Variants in GPSM2 observed in about 807,000 individuals in gnomAD.
GPSM2 encodes G protein-signaling modulator 2.
A neutral mutation model predicts 78.4 loss-of-function variants in GPSM2; 58 were observed. The observed-to-expected ratio is 0.74, with a 90% confidence interval of 0.60 to 0.92. GPSM2 has a LOEUF of 0.92. Among genes scored for constraint, GPSM2 ranks in the 40% least tolerant of loss-of-function variants. The pLI is 0.00. For synonymous variants in GPSM2, 224 were observed against 280.2 expected, an observed-to-expected ratio of 0.80 and a Z score of 2.00; for missense variants, 700 against 815.5, an observed-to-expected ratio of 0.86 and a Z score of 1.73.
At chr1:108,919,938 G>A (rs76844349) in intron 12 of GPSM2, among the ~76,000 whole-genome samples, 13,106 of 151,202 alleles carry the variant, frequency 0.087, 593 homozygotes, top group African/African-American at 0.1. Context: ...GGCAAAGGTG[G>A]GTAGATCTCC....
At chr1:108,903,975 T>A (rs1334666890) in intron 9 of GPSM2, 150 bp from the exon 10 acceptor site, 5 of 611,626 alleles carry the variant, frequency 8.2e-6, no homozygotes, top group Admixed American at 5.7e-5. Flanking sequence ...TGGAAAAAAA[T>A]TTTCATTCAT....
intron 2 of GPSM2, among the ~76,000 whole-genome samples, chr1:108,886,686 A>G (rs1439611933): frequency 6.6e-6 from 1 of 152,182 alleles, no homozygotes; most frequent in African/African-American, 2.4e-5. Context: ...ATGCACATGT[A>G]TGTGTGTTGG....
At position 108,885,263 on chromosome 1, in the gene GPSM2, T is replaced by A. The variant is rs1460526458; in HGVS notation, c.-248-12T>A. On this transcript the variant is annotated splice_polypyrimidine_tract_variant and intron_variant, in intron 1 of 14. Coordinates refer to ENST00000264126, the MANE Select transcript of GPSM2 (RefSeq NM_013296.5). Reference sequence around the variant, plus strand: ...AGGACTTCAAGCAAAGCATCTTGTATTCCTTTTGCAGAAATGTTGCTGAAG... The same window carrying A: ...AGGACTTCAAGCAAAGCATCTTGTAATCCTTTTGCAGAAATGTTGCTGAAG... The A allele has an allele frequency of 8.1e-6, 3 of 372,376 alleles. No homozygotes were observed. The allele number at this position is 372,376 out of a possible 1,614,324, so 23.1% of individuals were successfully genotyped here. A position where few individuals can be genotyped will look rare whatever the true frequency, so the allele number is the denominator to read the frequency against.
chr1:108,912,109 A>C (rs191536030), intron 10 of GPSM2, among the ~76,000 whole-genome samples: 17 of 152,252 alleles, frequency 1.1e-4, no homozygotes, highest in Admixed American at 2.6e-4. Flanking sequence ...TGCCCGGCTG[A>C]CAAAATTTTA....
In GPSM2 at chr1:108,885,455, A is replaced by G; in HGVS notation, c.-68A>G. 1.1e-6 allele frequency: 1 copy of G among 881,384 alleles called. No individual in the cohort carries two copies. 54.6% of individuals were successfully genotyped at this position (881,384 alleles called of 1,614,324 possible). On this transcript the variant is annotated 5_prime_UTR_variant, in exon 2 of 15. Coordinates refer to ENST00000264126, the MANE Select transcript of GPSM2 (RefSeq NM_013296.5). ...CGGACAATGTTCTACAAACAATTCT[A>G]CATTGTAAAGGACTGGATTGGCACA...
At chr1:108,929,223 A>G (rs1200798520) in intron 14 of GPSM2, among the ~76,000 whole-genome samples, 2 of 152,200 alleles carry the variant, frequency 1.3e-5, no homozygotes, top group African/African-American at 2.4e-5. Context: ...CATTTACAGA[A>G]GCCGGCACTG....
At chr1:108,916,896 T>C (rs990922639) in intron 11 of GPSM2, among the ~76,000 whole-genome samples, 2 of 152,214 alleles carry the variant, frequency 1.3e-5, no homozygotes, top group African/African-American at 4.8e-5. Flanking sequence ...TGGGAGAGTG[T>C]GCAGTGGGAG....
intron 2 of GPSM2, among the ~76,000 whole-genome samples, chr1:108,887,649 T>C (rs904985815): frequency 1.1e-4 from 17 of 152,096 alleles, no homozygotes; most frequent in Non-Finnish European, 2.5e-4. Context: ...CATTCCTCAC[T>C]CCTAGAGGGT....
intron 5 of GPSM2, 34 bp downstream of exon 5, chr1:108,898,135 C>G: frequency 6.3e-7 from 1 of 1,597,642 alleles, no homozygotes; most frequent in Non-Finnish European, 8.6e-7. Context: ...GTCATGTAGG[C>G]CCATCTAAGC....
intron 12 of GPSM2, among the ~76,000 whole-genome samples, chr1:108,921,727 T>C (rs1650723998): frequency 6.6e-6 from 1 of 152,168 alleles, no homozygotes; most frequent in Non-Finnish European, 1.5e-5. Context: ...CAAATGCTTA[T>C]TCATTCTTAA....
At chr1:108,900,683 A>C (rs1648741441) in intron 7 of GPSM2, among the ~76,000 whole-genome samples, 1 of 152,242 alleles carries the variant, frequency 6.6e-6, no homozygotes, top group Non-Finnish European at 1.5e-5. Flanking sequence ...CAACTGTACC[A>C]TCAAAGAATA....
intron 1 of GPSM2, chr1:108,882,764 G>A (rs1225133134): frequency 1.3e-5 from 2 of 152,296 alleles, no homozygotes; most frequent in Non-Finnish European, 1.5e-5. Flanking sequence ...ATTGCAATGA[G>A]TATCCACACT....
rs1648851095 is a variant in GPSM2, at chr1:108,901,848, TAC to T, written c.858_859del (p.Tyr286Ter). ...KDRAVEAQSC[Y>X]SLGNTYTLLQ... ...CCGAGCTGTAGAAGCACAGTCTTGT[TAC>T]AGTCTTGGAAATACATATACTTTAC... is the stretch of plus-strand genomic sequence containing the variant. On this transcript the variant is annotated frameshift_variant, in exon 8 of 15. Coordinates refer to ENST00000264126, the MANE Select transcript of GPSM2 (RefSeq NM_013296.5). LOFTEE classifies it high-confidence loss of function. 1 of 1,611,710 alleles carries T rather than the reference TAC, an allele frequency of 6.2e-7. No homozygotes were observed. The highest frequency in any genetic ancestry group is 8.5e-7 in the Non-Finnish European group (1 of 1,177,796).
intron 2 of GPSM2, among the ~76,000 whole-genome samples, chr1:108,894,650 A>T (rs530558999): frequency 5.9e-5 from 9 of 152,110 alleles, no homozygotes; most frequent in Non-Finnish European, 1.3e-4. Context: ...GTTAGCCAAG[A>T]TTGTACTGCT....
intron 8 of GPSM2, 54 bp from the exon 9 acceptor site, chr1:108,903,072 A>G (rs972237183): frequency 1.7e-5 from 18 of 1,051,014 alleles, no homozygotes; most frequent in Middle Eastern, 2.0e-4. Flanking sequence ...CTTTTATTCT[A>G]TACATAGGAC....
At position 108,929,895 on chromosome 1, in the gene GPSM2, T is replaced by C. The variant is rs574565748; in HGVS notation, c.2010T>C (p.Ala670=). The change falls in exon 15 of 15, where the codon GCT becomes GCC. Residue 670 remains alanine, a synonymous_variant. Coordinates refer to ENST00000264126, the MANE Select transcript of GPSM2 (RefSeq NM_013296.5). The stretch of plus-strand genomic sequence containing the variant: ...TAAAGGACTTTTTGCAAAATAATGC[T>C]TTGTTGGAGTTTAAAAATTCAGGGA... ...FGLKDFLQNN[A]LLEFKNSGKK... is the part of the protein sequence containing the mutation. The C allele has an allele frequency of 6.2e-7, 1 of 1,613,698 alleles. No individual in the cohort carries two copies. Among genetic ancestry groups the C allele is most frequent in the African/African-American group, 1.3e-5 (1 of 75,024 alleles).
rs77121685 is a variant in GPSM2 at position 108,901,810 on chromosome 1, G to A, written c.818G>A (p.Arg273Gln). The A allele has an allele frequency of 4.2e-5, 68 of 1,611,874 alleles. No homozygotes were observed. In the East Asian group the frequency reaches 1.1e-3, roughly 26 times the overall value. Residue 273 changes from arginine (R) to glutamine (Q), a missense_variant, in exon 8 of 15, where the codon CGA (arginine) becomes CAA (glutamine). Coordinates refer to ENST00000264126, the MANE Select transcript of GPSM2 (RefSeq NM_013296.5). The stretch of plus-strand genomic sequence containing the variant: ...TGTAGGAAGACACTACTGTTGGCCC[G>A]ACAGCTTAAAGACCGAGCTGTAGAA... ...EYYKKTLLLA[R>Q]QLKDRAVEAQ...
intron 10 of GPSM2, chr1:108,909,757 G>A (rs1430192888): frequency 2.0e-5 from 3 of 151,924 alleles, no homozygotes; most frequent in Admixed American, 6.6e-5. Context: ...ACAAAAATTA[G>A]CTGGGCGTGG....
At chr1:108,922,088 A>T (rs1292869236) in intron 12 of GPSM2, among the ~76,000 whole-genome samples, 1 of 152,204 alleles carries the variant, frequency 6.6e-6, no homozygotes, top group Non-Finnish European at 1.5e-5. Flanking sequence ...AAGTGTACCT[A>T]AATTCCACTG....
Sources: allele counts gnomAD v4.1 joint callset (sites outside exome capture counted in the v4.1 genomes callset), GRCh38; gene constraint gnomAD v4.1.1; transcripts MANE v1.5; gene names NCBI Gene and HGNC (gene_info 2026-07-23, HGNC 2026-07-21).